MED13L: variants seen among roughly 807,000 people sequenced by gnomAD.
MED13L encodes the protein mediator of RNA polymerase II transcription subunit 13-like.
In MED13L, 7 loss-of-function variants were observed where a neutral mutation model predicts 220.9. The ratio of observed to expected loss-of-function variants is 0.03; its 90% CI spans 0.02 to 0.06. MED13L has a LOEUF of 0.06. Among genes scored for constraint, MED13L ranks in the 10% least tolerant of loss-of-function variants. MED13L has a pLI of 1.00. For synonymous variants in MED13L, 1,011 were observed against 1,015.2 expected (o/e 1.00, Z 0.08); for missense variants, 1,965 against 2,760.5 (o/e 0.71, Z 6.46).
At chr12:116,153,375 ATTAG>A (rs1346222716) in intron 2 of MED13L, among the ~76,000 whole-genome samples, 2 of 152,178 alleles carry the variant, frequency 1.3e-5, no homozygotes, top group East Asian at 3.8e-4. Context: ...TGCCACCTCC[ATTAG>A]TTAGAGCAGG....
intron 2 of MED13L, among the ~76,000 whole-genome samples, chr12:116,188,387 G>GAT (rs60451599): frequency 0.17 from 26,115 of 151,994 alleles, 2,450 homozygotes; most frequent in Middle Eastern, 0.28. Flanking sequence ...CACAGAAACA[G>GAT]AGTGATCTCA....
At chr12:116,271,577 G>A (rs1873351531) in intron 1 of MED13L, among the ~76,000 whole-genome samples, 1 of 148,896 alleles carries the variant, frequency 6.7e-6, no homozygotes, top group African/African-American at 2.5e-5. Context: ...AGTGAGCCGC[G>A]ATCGCGCCAC....
At chr12:116,111,534 A>G in intron 2 of MED13L, 22 bp from the exon 3 acceptor site, 1 of 1,542,900 alleles carries the variant, frequency 6.5e-7, no homozygotes, top group Non-Finnish European at 8.8e-7. Flanking sequence ...AAGAAAAAAG[A>G]AAAAAAAAGA....
chr12:116,207,431 C>T (rs955288486), intron 2 of MED13L, among the ~76,000 whole-genome samples: 4 of 152,168 alleles, frequency 2.6e-5, no homozygotes, highest in Non-Finnish European at 4.4e-5. Context: ...GTAGGCTATA[C>T]TGTCTGTGTT....
intron 2 of MED13L, among the ~76,000 whole-genome samples, chr12:116,199,759 C>T (rs1472534663): frequency 1.3e-5 from 2 of 151,778 alleles, no homozygotes; most frequent in African/African-American, 4.8e-5. Context: ...AAAATCTAAT[C>T]TCCACCCCTC....
chr12:116,276,469 C>G (rs1462406487), intron 1 of MED13L: 16 of 1,288,832 alleles, frequency 1.2e-5, no homozygotes, highest in South Asian at 2.5e-5. Flanking sequence ...GGCTCTCCAG[C>G]ATAGTAAGCC....
intron 1 of MED13L, among the ~76,000 whole-genome samples, chr12:116,258,504 C>T (rs560513774): frequency 3.9e-5 from 6 of 152,122 alleles, no homozygotes; most frequent in African/African-American, 7.2e-5. Flanking sequence ...CGGCCGGACA[C>T]GGTAGCTCAC....
intron 2 of MED13L, among the ~76,000 whole-genome samples, chr12:116,199,873 G>C (rs1279889463): frequency 6.6e-6 from 1 of 151,966 alleles, no homozygotes; most frequent in East Asian, 1.9e-4. Context: ...TCAGTCAGAA[G>C]GACAAATTTT....
At chr12:116,167,067 A>G (rs1879333059) in intron 2 of MED13L, among the ~76,000 whole-genome samples, 1 of 152,206 alleles carries the variant, frequency 6.6e-6, no homozygotes, top group South Asian at 2.1e-4. Flanking sequence ...GTTCAAAACT[A>G]AAATCTTTAA....
intron 2 of MED13L, among the ~76,000 whole-genome samples, chr12:116,178,016 C>A (rs1276103144): frequency 6.6e-6 from 1 of 152,068 alleles, no homozygotes; most frequent in Non-Finnish European, 1.5e-5. Flanking sequence ...TCCCAATACC[C>A]CGCTTTTTTG....
At chr12:116,040,887 C>G (rs943034975) in intron 4 of MED13L, among the ~76,000 whole-genome samples, 1 of 151,828 alleles carries the variant, frequency 6.6e-6, no homozygotes, top group African/African-American at 2.4e-5. Context: ...TTGTATGATG[C>G]ATCAATTGAC....
At chr12:115,978,874 T>C (rs1298737986) in intron 23 of MED13L, among the ~76,000 whole-genome samples, 2 of 152,226 alleles carry the variant, frequency 1.3e-5, no homozygotes, top group Non-Finnish European at 2.9e-5. Context: ...TGGATTTATT[T>C]GAAAACTTGC....
intron 2 of MED13L, among the ~76,000 whole-genome samples, chr12:116,194,319 C>T (rs577171963): frequency 6.6e-6 from 1 of 152,226 alleles, no homozygotes; most frequent in Admixed American, 6.5e-5. Context: ...ACTTGCACCA[C>T]CACGCCCAGC....
intron 2 of MED13L, among the ~76,000 whole-genome samples, chr12:116,234,661 ATTTAT>A (rs1190783476): frequency 7.9e-5 from 12 of 151,920 alleles, no homozygotes; most frequent in African/African-American, 2.7e-4. Context: ...GCTACTATTT[ATTTAT>A]TTTATTTTTT....
chr12:116,135,903 C>CT (rs772070607), intron 2 of MED13L, among the ~76,000 whole-genome samples: 3,506 of 139,858 alleles, frequency 0.025, 73 homozygotes, highest in African/African-American at 0.058. Flanking sequence ...CAAAGATTCC[C>CT]TTTTTTTTTT....
intron 4 of MED13L, among the ~76,000 whole-genome samples, chr12:116,040,522 G>A (rs1392651717): frequency 6.6e-6 from 1 of 152,090 alleles, no homozygotes; most frequent in Non-Finnish European, 1.5e-5. Flanking sequence ...AATGAAAGTG[G>A]AATTCAGTAG....
intron 2 of MED13L, among the ~76,000 whole-genome samples, chr12:116,220,393 G>A (rs904610287): frequency 2.0e-5 from 3 of 151,976 alleles, no homozygotes; most frequent in East Asian, 1.9e-4. Context: ...AAATACACGC[G>A]CTGGATTTTA....
At chr12:116,109,427 A>G (rs1873890066) in intron 3 of MED13L, among the ~76,000 whole-genome samples, 1 of 152,078 alleles carries the variant, frequency 6.6e-6, no homozygotes, top group Non-Finnish European at 1.5e-5. Flanking sequence ...TTGTCTCTCG[A>G]CAAAGAAACA....
intron 4 of MED13L, among the ~76,000 whole-genome samples, chr12:116,058,600 AC>A: frequency 6.6e-6 from 1 of 152,296 alleles, no homozygotes; most frequent in Admixed American, 6.5e-5. Context: ...CTCCCACAAT[AC>A]GTTTTTGAAG....
Sources: gnomAD v4.1 joint callset for allele counts (sites outside exome capture counted in the v4.1 genomes callset) on GRCh38, gnomAD v4.1.1 for gene constraint, MANE v1.5 for transcripts, NCBI Gene and HGNC (gene_info 2026-07-23, HGNC 2026-07-21) for gene names.